MYO1H: variants seen among roughly 807,000 people sequenced by gnomAD.
MYO1H encodes the protein myosin IH.
MYO1H carries 118 observed loss-of-function variants against 149.3 expected under a neutral mutation model. The ratio of observed to expected loss-of-function variants is 0.79; its 90% CI spans 0.68 to 0.92. The LOEUF (loss-of-function observed/expected upper bound fraction) is 0.92. Ranked by LOEUF, MYO1H falls within the 40% of genes least tolerant of loss-of-function variation. MYO1H has a pLI of 0.00. For synonymous variants in MYO1H, 447 were observed against 465.2 expected, an observed-to-expected ratio of 0.96 and a Z score of 0.50; for missense variants, 1,212 against 1,280.7, an observed-to-expected ratio of 0.95 and a Z score of 0.82.
chr12:109,407,973 C>CATT (rs75978659), intron 10 of MYO1H, 60 bp downstream of exon 10: 738,727 of 1,609,184 alleles, frequency 0.46, 173,366 homozygotes, highest in African/African-American at 0.66. Flanking sequence ...TTATAATCAT[C>CATT]GTTTCTTTAA....
At chr12:109,391,262 C>T (rs1382871331) in intron 2 of MYO1H, among the ~76,000 whole-genome samples, 4 of 151,960 alleles carry the variant, frequency 2.6e-5, no homozygotes. Context: ...GTGTTGTTCC[C>T]CCCTCTCCCA....
the MYO1H span, among the ~76,000 whole-genome samples, chr12:109,333,938 T>A: frequency 5.5e-4 from 83 of 152,284 alleles, no homozygotes; most frequent in African/African-American, 1.9e-3. Context: ...TTTGTTTATT[T>A]TAAATTTTAT....
chr12:109,441,702 C>T lies in MYO1H; in HGVS notation c.2626C>T (p.Arg876Trp), dbSNP rs562948531. 12 of 1,608,272 alleles carry T rather than the reference C, an allele frequency of 7.5e-6. No individual in the cohort carries two copies. The highest frequency in any genetic ancestry group is 5.3e-5 in the African/African-American group (4 of 74,808). Residue 876 changes from arginine (R) to tryptophan (W), a missense_variant, in exon 26 of 32, where the codon CGG becomes TGG. Arg to Trp is a moderately radical substitution (Grantham distance 101). Coordinates refer to ENST00000310903, the Ensembl canonical transcript of MYO1H. ...TTTAAATCAACCCTTTGTCAACAGT[C>T]GGATAGGTAAGTACATTTTCCAGCC...
At chr12:109,392,964 C>T (rs1869721492) in intron 2 of MYO1H, among the ~76,000 whole-genome samples, 1 of 151,760 alleles carries the variant, frequency 6.6e-6, no homozygotes. Flanking sequence ...CATGCACCAT[C>T]ACACCTGGCT....
the MYO1H span, among the ~76,000 whole-genome samples, chr12:109,316,787 G>A: frequency 1.3e-5 from 2 of 152,164 alleles, no homozygotes; most frequent in Non-Finnish European, 2.9e-5. Flanking sequence ...CGCCTGACTT[G>A]TTTGGGACCC....
chr12:109,325,576 T>C, the MYO1H span, among the ~76,000 whole-genome samples: 2 of 152,024 alleles, frequency 1.3e-5, no homozygotes, highest in African/African-American at 4.8e-5. Flanking sequence ...AAGGCAAAAT[T>C]GACAAATGGG....
intron 20 of MYO1H, among the ~76,000 whole-genome samples, chr12:109,433,684 C>T (rs989927281): frequency 5.3e-5 from 8 of 152,196 alleles, no homozygotes; most frequent in African/African-American, 1.7e-4. Flanking sequence ...TGTACATGGT[C>T]GTCTGGGCCG....
intron 1 of MYO1H, among the ~76,000 whole-genome samples, chr12:109,355,587 C>T (rs1308457244): frequency 6.6e-6 from 1 of 152,136 alleles, no homozygotes; most frequent in Non-Finnish European, 1.5e-5. Flanking sequence ...CTAGATCCAC[C>T]AGGATGCTAA....
chr12:109,366,737 C>A (rs1333563939), intron 1 of MYO1H, among the ~76,000 whole-genome samples: 1 of 152,186 alleles, frequency 6.6e-6, no homozygotes, highest in Non-Finnish European at 1.5e-5. Flanking sequence ...AAAGGTCAAA[C>A]TGAGTAGAGG....
intron 25 of MYO1H, 61 bp from the exon 26 acceptor site, chr12:109,441,554 C>T: frequency 8.8e-7 from 1 of 1,141,360 alleles, no homozygotes; most frequent in East Asian, 2.4e-5. Context: ...GGGTCTAGAG[C>T]TCTTCTATCC....
intron 15 of MYO1H, among the ~76,000 whole-genome samples, chr12:109,417,161 A>G (rs944377918): frequency 5.3e-5 from 8 of 152,166 alleles, no homozygotes; most frequent in Admixed American, 2.0e-4. Flanking sequence ...ACAGAGCAAG[A>G]CTTCATCTCA....
rs373155138 is a variant in MYO1H at position 109,425,930 on chromosome 12, C to G, written c.1726-16C>G. On this transcript the variant is annotated splice_polypyrimidine_tract_variant and intron_variant, in intron 17 of 31. Coordinates refer to ENST00000310903, the Ensembl canonical transcript of MYO1H. The stretch of plus-strand genomic sequence containing the variant: ...TCTCTGGCTCGTTCTCTCTCTCTTT[C>G]TCTCTCTCTCTGCAGGTGGGGACTC... 2.3e-6 allele frequency: 3 copies of G among 1,284,634 alleles called. No individual in the cohort carries two copies. Among genetic ancestry groups the G allele is most frequent in the South Asian group, 2.7e-5 (2 of 73,176 alleles). 79.6% of individuals were successfully genotyped at this position (1,284,634 alleles called of 1,614,324 possible). A position where few individuals can be genotyped will look rare whatever the true frequency, so the allele number is the denominator to read the frequency against.
intron 7 of MYO1H, among the ~76,000 whole-genome samples, chr12:109,404,397 G>T (rs915758597): frequency 6.6e-6 from 1 of 152,186 alleles, no homozygotes; most frequent in African/African-American, 2.4e-5. Context: ...CAGGAGAATC[G>T]CTTGAATCCG....
At chr12:109,387,770 G>C (rs1869418063) in intron 1 of MYO1H, among the ~76,000 whole-genome samples, 1 of 152,190 alleles carries the variant, frequency 6.6e-6, no homozygotes, top group Non-Finnish European at 1.5e-5. Context: ...TCCTGATGCA[G>C]ACATTACACA....
At chr12:109,396,508 G>T (rs1192081234) in exon 4 of MYO1H, 1 of 1,613,968 alleles carries the variant, frequency 6.2e-7, no homozygotes, top group East Asian at 2.2e-5. Context: ...CGAGTATTTT[G>T]CAGTGACCTG....
chr12:109,405,971 T>G, exon 8 of MYO1H: 1 of 1,613,950 alleles, frequency 6.2e-7, no homozygotes, highest in Non-Finnish European at 8.5e-7. Flanking sequence ...AACATTGGTT[T>G]TGAAGAAGAC....
At chr12:109,357,943 T>C (rs1262085579) in intron 1 of MYO1H, among the ~76,000 whole-genome samples, 1 of 152,152 alleles carries the variant, frequency 6.6e-6, no homozygotes, top group Non-Finnish European at 1.5e-5. Flanking sequence ...TTAGCTCAAG[T>C]GTCATTCTAA....
chr12:109,320,954 G>A, the MYO1H span, among the ~76,000 whole-genome samples: 7 of 151,906 alleles, frequency 4.6e-5, no homozygotes, highest in Admixed American at 2.0e-4. Context: ...TGGGCATGGC[G>A]GCGGGTACCT....
chr12:109,320,327 G>A, the MYO1H span, among the ~76,000 whole-genome samples: 299 of 150,728 alleles, frequency 2.0e-3, 5 homozygotes, highest in East Asian at 0.048. Flanking sequence ...AGAAAAAAAC[G>A]GGCCAGACGT....
Sources: allele counts gnomAD v4.1 joint callset (sites outside exome capture counted in the v4.1 genomes callset), GRCh38; gene constraint gnomAD v4.1.1; transcripts MANE v1.5; gene names NCBI Gene and HGNC (gene_info 2026-07-23, HGNC 2026-07-21).